The following CDH12 variants were observed in gnomAD, a reference collection of about 807,000 sequenced individuals.
CDH12 encodes the protein cadherin 12.
CDH12 carries 41 observed loss-of-function variants against 74.1 expected under a neutral mutation model. The ratio of observed to expected loss-of-function variants is 0.55; its 90% CI spans 0.43 to 0.72. The LOEUF is 0.72. CDH12 is among the 30% of genes least tolerant of loss of function. CDH12 has a pLI of 0.00. For missense variants in CDH12, 945 were observed against 977.2 expected, an observed-to-expected ratio of 0.97 and a Z score of 0.44; for synonymous variants, 399 against 355.0, an observed-to-expected ratio of 1.12 and a Z score of -1.39.
At chr5:22,292,477 G>C (rs1184431976) in intron 3 of CDH12, among the ~76,000 whole-genome samples, 2 of 151,344 alleles carry the variant, frequency 1.3e-5, no homozygotes, top group African/African-American at 4.9e-5. Flanking sequence ...ATTGGACAAA[G>C]TATCTGCAAA....
chr5:22,160,783 A>G (rs1343901578), intron 4 of CDH12, among the ~76,000 whole-genome samples: 2 of 152,136 alleles, frequency 1.3e-5, no homozygotes, highest in Non-Finnish European at 2.9e-5. Context: ...CACTAATCCT[A>G]TTTATGAATG....
chr5:22,645,665 T>C (rs959328270), intron 1 of CDH12, among the ~76,000 whole-genome samples: 1 of 151,990 alleles, frequency 6.6e-6, no homozygotes, highest in African/African-American at 2.4e-5. Context: ...CATCATATGC[T>C]ACAGAGGAAT....
rs575792983 is a variant in CDH12, at chr5:22,465,034, A to AG, written c.-428+40235dup. On this transcript the variant is annotated intron_variant, in intron 2 of 14. Transcript: ENST00000382254. ...AGAGAGAGAGAGGAAGGAAGAAGGG[A>AG]GGGGGGGAAGGGAGGAAGGGAGGGG... 4.4e-3 allele frequency among the ~76,000 whole-genome samples: 260 copies of AG among 59,190 alleles called. 2 individuals carry two copies. Among genetic ancestry groups the AG allele is most frequent in the Non-Finnish European group, 6.5e-3 (211 of 32,286 alleles). 38.8% of individuals were successfully genotyped at this position (59,190 alleles called of 152,430 possible). A position where few individuals can be genotyped will look rare whatever the true frequency, so the allele number is the denominator to read the frequency against.
intron 6 of CDH12, among the ~76,000 whole-genome samples, chr5:21,941,486 T>A (rs891674251): frequency 2.0e-5 from 3 of 152,074 alleles, no homozygotes; most frequent in African/African-American, 7.2e-5. Context: ...TTTGTCAATT[T>A]ATGCATAAAG....
intron 4 of CDH12, among the ~76,000 whole-genome samples, chr5:22,095,661 C>G (rs902951530): frequency 6.7e-6 from 1 of 150,054 alleles, no homozygotes; most frequent in African/African-American, 2.5e-5. Flanking sequence ...GGGGCAAGAA[C>G]CCCCCAACCC....
intron 2 of CDH12, among the ~76,000 whole-genome samples, chr5:22,480,996 T>C (rs1031955260): frequency 6.6e-6 from 1 of 152,238 alleles, no homozygotes; most frequent in East Asian, 1.9e-4. Context: ...AAATATGTTA[T>C]TTAGTCTTTG....
chr5:22,356,509 T>C (rs907207468), intron 3 of CDH12, among the ~76,000 whole-genome samples: 1 of 152,106 alleles, frequency 6.6e-6, no homozygotes, highest in Non-Finnish European at 1.5e-5. Flanking sequence ...GTACTTCAGG[T>C]GGGCCTCCAC....
intron 14 of CDH12, among the ~76,000 whole-genome samples, chr5:21,753,750 C>G (rs16888500): frequency 2.0e-5 from 3 of 152,070 alleles, no homozygotes; most frequent in Non-Finnish European, 4.4e-5. Context: ...GCTCTGTGGA[C>G]GCTCTGGAAG....
intron 6 of CDH12, among the ~76,000 whole-genome samples, chr5:21,865,333 A>T (rs1233915814): frequency 6.6e-6 from 1 of 152,138 alleles, no homozygotes; most frequent in Non-Finnish European, 1.5e-5. Context: ...TGTGTTTATG[A>T]GATCAAACTA....
At chr5:21,956,001 A>T (rs1370738089) in intron 6 of CDH12, among the ~76,000 whole-genome samples, 4 of 152,092 alleles carry the variant, frequency 2.6e-5, no homozygotes, top group Non-Finnish European at 5.9e-5. Context: ...ACACACAAAG[A>T]CTTCAAACAT....
intron 2 of CDH12, among the ~76,000 whole-genome samples, chr5:22,407,700 C>T (rs13166998): frequency 2.8e-4 from 43 of 152,220 alleles, no homozygotes; most frequent in African/African-American, 1.0e-3. Flanking sequence ...CACACTACAC[C>T]TAAGCAGTGC....
At chr5:22,355,225 C>T (rs561945191) in intron 3 of CDH12, among the ~76,000 whole-genome samples, 4 of 152,030 alleles carry the variant, frequency 2.6e-5, no homozygotes, top group Admixed American at 6.6e-5. Flanking sequence ...TGGGTGATAT[C>T]TTCCTTTTCA....
intron 1 of CDH12, among the ~76,000 whole-genome samples, chr5:22,640,929 A>C (rs1371714464): frequency 1.3e-5 from 2 of 152,204 alleles, no homozygotes; most frequent in Non-Finnish European, 2.9e-5. Flanking sequence ...AAAGTATTTT[A>C]AGAGCCTCCA....
Position 22,000,334 on chromosome 5 carries a change from A to T in CDH12, c.232-24949T>A, listed in dbSNP as rs1209808506. 2.0e-5 allele frequency among the ~76,000 whole-genome samples: 3 copies of T among 152,260 alleles called. No homozygotes were observed. The East Asian group carries it at 5.8e-4, about 29-fold the overall frequency. Reference sequence around the variant, plus strand: ...TCTTTGACAGCCTGAGCCAATATCTATGTGTACTAGGAAAATGCCACATAG... The same window carrying T: ...TCTTTGACAGCCTGAGCCAATATCTTTGTGTACTAGGAAAATGCCACATAG... On this transcript the variant is annotated intron_variant, in intron 5 of 14. Transcript: ENST00000382254.
intron 10 of CDH12, among the ~76,000 whole-genome samples, chr5:21,785,278 T>A (rs560371450): frequency 5.9e-5 from 9 of 152,326 alleles, no homozygotes; most frequent in African/African-American, 2.2e-4. Context: ...CTCCTGCTCC[T>A]TGGGCCTTCT....
intron 4 of CDH12, among the ~76,000 whole-genome samples, chr5:22,146,317 T>C (rs1269887066): frequency 2.0e-5 from 3 of 152,108 alleles, no homozygotes; most frequent in Admixed American, 2.0e-4. Context: ...AAAAGGTTAA[T>C]CTTTTAACAA....
At chr5:21,947,025 GA>G (rs1755608821) in intron 6 of CDH12, among the ~76,000 whole-genome samples, 1 of 152,166 alleles carries the variant, frequency 6.6e-6, no homozygotes, top group Non-Finnish European at 1.5e-5. Context: ...AAAAGTGTTT[GA>G]AAGTTTCTCC....
At chr5:22,736,199 C>T (rs1054477886) in intron 1 of CDH12, among the ~76,000 whole-genome samples, 1 of 151,770 alleles carries the variant, frequency 6.6e-6, no homozygotes, top group Non-Finnish European at 1.5e-5. Context: ...TCCTAACTCA[C>T]ATTAACAAAT....
rs1737701836 is a variant in CDH12 at position 22,297,938 on chromosome 5, T to C, written c.-332-85295A>G. Reference sequence around the variant, plus strand: ...AATTTTACTTCCAGTAACTTCATTATTTCTTTTAGATATTAACTTAATTTA... The same window carrying C: ...AATTTTACTTCCAGTAACTTCATTACTTCTTTTAGATATTAACTTAATTTA... On this transcript the variant is annotated intron_variant, in intron 3 of 14. Coordinates refer to ENST00000382254, the MANE Select transcript of CDH12 (RefSeq NM_004061.5). 2.6e-5 allele frequency among the ~76,000 whole-genome samples: 4 copies of C among 151,924 alleles called. No individual in the cohort carries two copies. In the South Asian group the frequency reaches 8.3e-4, roughly 31 times the overall value.
Sources: allele counts gnomAD v4.1 joint callset (sites outside exome capture counted in the v4.1 genomes callset), GRCh38; gene constraint gnomAD v4.1.1; transcripts MANE v1.5; gene names NCBI Gene and HGNC (gene_info 2026-07-23, HGNC 2026-07-21).